The following LOC101059915 variants were observed in gnomAD, a reference collection of about 807,000 sequenced individuals.
At chrX:71,668,179 G>A in the LOC101059915 span, 1 of 1,128,062 alleles carries the variant, frequency 8.9e-7, no homozygotes, top group Admixed American at 3.0e-5. Flanking sequence ...GTCCCCAGAA[G>A]GCGCCACTGC....
At chrX:71,671,300 G>A in the LOC101059915 span, 2 of 1,121,033 alleles carry the variant, frequency 1.8e-6, no homozygotes, top group South Asian at 2.1e-5. Flanking sequence ...AGCTTAGAAG[G>A]GCTGTGGGCT....
chrX:71,670,396 G>T, the LOC101059915 span: 1 of 1,162,528 alleles, frequency 8.6e-7, no homozygotes, highest in Non-Finnish European at 1.1e-6. Flanking sequence ...TCCATGTCCA[G>T]GTTAAACTAA....
the LOC101059915 span, chrX:71,668,182 G>A: frequency 2.0e-5 from 22 of 1,126,071 alleles, no homozygotes; most frequent in Non-Finnish European, 2.6e-5. Context: ...CCCAGAAGGC[G>A]CCACTGCCAA....
the LOC101059915 span, chrX:71,670,944 G>A: frequency 1.1e-5 from 8 of 752,634 alleles, no homozygotes; most frequent in South Asian, 4.1e-4. Context: ...CTGCTGCCTG[G>A]TACTGCTTGT....
At chrX:71,670,990 G>A in the LOC101059915 span, 1 of 752,712 alleles carries the variant, frequency 1.3e-6, no homozygotes, top group Non-Finnish European at 1.6e-6. Flanking sequence ...ATCTGTCTTT[G>A]AAACATGTTC....
the LOC101059915 span, chrX:71,668,652 C>T: frequency 3.7e-6 from 4 of 1,076,104 alleles, no homozygotes; most frequent in South Asian, 5.2e-5. Context: ...GAGAGCTGGA[C>T]GTGCCTTCCT....
At chrX:71,667,824 G>A in the LOC101059915 span, 1 of 1,074,544 alleles carries the variant, frequency 9.3e-7, no homozygotes, top group African/African-American at 1.9e-5. Context: ...CGGATGAAGT[G>A]TCCGTTTGCA....
chrX:71,668,701 G>T, the LOC101059915 span: 2 of 1,077,343 alleles, frequency 1.9e-6, no homozygotes, highest in South Asian at 5.1e-5. Flanking sequence ...AAAGAGGGGG[G>T]TCAGGCCCAG....
the LOC101059915 span, chrX:71,668,125 GAGCC>G: frequency 1.8e-6 from 2 of 1,137,823 alleles, no homozygotes; most frequent in Non-Finnish European, 2.3e-6. Context: ...CCTGGCTGAT[GAGCC>G]AGCCACCATC....
At chrX:71,668,134 A>T in the LOC101059915 span, 1 of 1,137,476 alleles carries the variant, frequency 8.8e-7, no homozygotes, top group South Asian at 2.1e-5. Flanking sequence ...TGAGCCAGCC[A>T]CCATCATGCC....
At chrX:71,668,227 G>A in the LOC101059915 span, 13 of 1,116,652 alleles carry the variant, frequency 1.2e-5, no homozygotes, top group South Asian at 2.2e-5. Context: ...CCTGGAGGTC[G>A]GTCCCAGTTG....
chrX:71,669,823 C>T, the LOC101059915 span: 1 of 759,946 alleles, frequency 1.3e-6, no homozygotes, highest in Non-Finnish European at 1.7e-6. Flanking sequence ...TCCCTGCCCA[C>T]CCAGGCAGCT....
At chrX:71,669,851 G>A in the LOC101059915 span, 1 of 622,627 alleles carries the variant, frequency 1.6e-6, no homozygotes, top group Non-Finnish European at 2.2e-6. Flanking sequence ...AGGAAATGGG[G>A]TGTCGACAGG....
the LOC101059915 span, chrX:71,670,291 C>T: frequency 3.9e-5 from 45 of 1,164,163 alleles, no homozygotes; most frequent in Non-Finnish European, 4.7e-5. Flanking sequence ...CCCCCAAGAC[C>T]GGAAAGGCAG....
At chrX:71,670,695 G>C in the LOC101059915 span, 1 of 1,111,372 alleles carries the variant, frequency 9.0e-7, no homozygotes, top group Non-Finnish European at 1.2e-6. Context: ...GATGGACAGC[G>C]GTGTCGTTCT....
the LOC101059915 span, chrX:71,668,178 A>C: frequency 2.7e-6 from 3 of 1,127,840 alleles, no homozygotes; most frequent in Non-Finnish European, 3.5e-6. Flanking sequence ...CGTCCCCAGA[A>C]GGCGCCACTG....
chrX:71,670,797 T>C, the LOC101059915 span: 1 of 1,074,951 alleles, frequency 9.3e-7, no homozygotes, highest in Non-Finnish European at 1.2e-6. Flanking sequence ...GGCCTGGCCC[T>C]GGAGCCTTCT....
At chrX:71,667,847 G>A in the LOC101059915 span, 1 of 1,091,119 alleles carries the variant, frequency 9.2e-7, no homozygotes, top group Non-Finnish European at 1.2e-6. Context: ...GCTGGTTTAG[G>A]CCCAGAGGGT....
chrX:71,670,551 G>C, the LOC101059915 span: 1 of 1,085,571 alleles, frequency 9.2e-7, no homozygotes, highest in African/African-American at 1.9e-5. Context: ...CAGGGAGAAC[G>C]GGGAGAAAGG....
Sources: gnomAD v4.1 joint callset for allele counts on GRCh38, gnomAD v4.1.1 for gene constraint, MANE v1.5 for transcripts.